LRBA: variants seen among roughly 807,000 people sequenced by gnomAD.
LRBA encodes the protein LPS responsive beige-like anchor protein.
LRBA carries 176 observed loss-of-function variants against 330.0 expected under a neutral mutation model. The observed-to-expected ratio is 0.53, with a 90% CI of 0.47 to 0.60. LRBA has a LOEUF of 0.60. LRBA is among the 20% of genes least tolerant of loss of function. The probability of loss-of-function intolerance (pLI) is 0.00; values close to 1 mark genes in which losing one functional copy is unlikely to be tolerated. For missense variants in LRBA, 3,259 were observed against 3,444.8 expected (o/e 0.95, Z 1.35); for synonymous variants, 1,230 against 1,193.0 (o/e 1.03, Z -0.64).
At chr4:150,304,271 A>C (rs1034089895) in intron 52 of LRBA, among the ~76,000 whole-genome samples, 11 of 152,102 alleles carry the variant, frequency 7.2e-5, no homozygotes, top group Admixed American at 2.0e-4. Flanking sequence ...AAGATAATAA[A>C]TATAAGATAA....
intron 40 of LRBA, among the ~76,000 whole-genome samples, chr4:150,501,184 G>A (rs1203105370): frequency 6.6e-6 from 1 of 152,136 alleles, no homozygotes; most frequent in African/African-American, 2.4e-5. Flanking sequence ...ATCCTCACTA[G>A]ATTGGAGTTC....
intron 47 of LRBA, among the ~76,000 whole-genome samples, chr4:150,394,324 T>C (rs1561113868): frequency 6.6e-6 from 1 of 152,164 alleles, no homozygotes; most frequent in Non-Finnish European, 1.5e-5. Context: ...TGACCATGCA[T>C]ATGTCATAAA....
chr4:150,790,398 T>C (rs1156744757), intron 34 of LRBA, among the ~76,000 whole-genome samples: 8 of 152,166 alleles, frequency 5.3e-5, no homozygotes, highest in Non-Finnish European at 1.0e-4. Context: ...ATCAATATTA[T>C]GGAAACTCAA....
intron 42 of LRBA, among the ~76,000 whole-genome samples, chr4:150,485,184 G>C (rs543024028): frequency 6.6e-6 from 1 of 151,870 alleles, no homozygotes; most frequent in Non-Finnish European, 1.5e-5. Context: ...CTGATTTTTT[G>C]TCTACCTGTT....
intron 47 of LRBA, among the ~76,000 whole-genome samples, chr4:150,380,416 A>G (rs1003752031): frequency 1.3e-5 from 2 of 152,082 alleles, no homozygotes; most frequent in Non-Finnish European, 2.9e-5. Flanking sequence ...AAGGCAAGAG[A>G]TTTGAACCCC....
chr4:151,005,602 C>CTTT (rs1187161237), intron 2 of LRBA, among the ~76,000 whole-genome samples: 12 of 103,002 alleles, frequency 1.2e-4, no homozygotes, highest in Admixed American at 1.9e-4. Context: ...GTTACCCAGG[C>CTTT]TTTTTTTTTT....
intron 22 of LRBA, 96 bp from the exon 23 acceptor site, chr4:150,853,039 AT>A: frequency 3.7e-6 from 2 of 536,524 alleles, no homozygotes; most frequent in Non-Finnish European, 6.0e-6. Flanking sequence ...CATAGTTTAT[AT>A]AATACAATAA....
chr4:150,512,399 T>C (rs746243688), intron 40 of LRBA, among the ~76,000 whole-genome samples: 38 of 152,220 alleles, frequency 2.5e-4, no homozygotes, highest in Non-Finnish European at 5.9e-5. Flanking sequence ...TTCCAAAATA[T>C]GTTGAAATCC....
intron 40 of LRBA, chr4:150,584,480 C>CG (rs1561389034): frequency 6.5e-6 from 1 of 153,512 alleles, no homozygotes; most frequent in African/African-American, 2.7e-5. Flanking sequence ...CATCCCCCCC[C>CG]CCATTTCGTT....
chr4:150,957,875 C>T (rs955868236), intron 2 of LRBA, among the ~76,000 whole-genome samples: 2 of 149,518 alleles, frequency 1.3e-5, no homozygotes, highest in East Asian at 1.9e-4. Context: ...TCATGTCTCA[C>T]ATCCAGGTCA....
At chr4:150,896,373 A>T in intron 16 of LRBA, 21 bp downstream of exon 16, 1 of 1,312,318 alleles carries the variant, frequency 7.6e-7, no homozygotes, top group Non-Finnish European at 1.1e-6. Context: ...AAAATTTCAA[A>T]ATATAAAATT....
intron 48 of LRBA, among the ~76,000 whole-genome samples, chr4:150,340,217 A>G (rs188831969): frequency 6.6e-6 from 1 of 152,306 alleles, no homozygotes; most frequent in East Asian, 1.9e-4. Context: ...TCCTCATAGC[A>G]GCATGAGAAC....
chr4:150,912,062 T>G (rs914365012), intron 9 of LRBA, among the ~76,000 whole-genome samples: 4 of 152,192 alleles, frequency 2.6e-5, no homozygotes, highest in African/African-American at 4.8e-5. Context: ...TGATTTTACT[T>G]ATTTATGTGC....
chr4:150,696,221 C>T (rs540027238), intron 36 of LRBA, among the ~76,000 whole-genome samples: 1 of 152,020 alleles, frequency 6.6e-6, no homozygotes, highest in South Asian at 2.1e-4. Flanking sequence ...AGAGTGAGAC[C>T]CTGTCTCAAA....
chr4:150,765,949 A>T (rs979333867), intron 34 of LRBA, among the ~76,000 whole-genome samples: 1 of 152,092 alleles, frequency 6.6e-6, no homozygotes, highest in African/African-American at 2.4e-5. Flanking sequence ...ATCTAAACTT[A>T]TCTTGGTATG....
chr4:150,374,655 T>G (rs1309824589), intron 47 of LRBA, among the ~76,000 whole-genome samples: 1 of 152,192 alleles, frequency 6.6e-6, no homozygotes, highest in Admixed American at 6.5e-5. Context: ...ATTGAAGAAT[T>G]TCAGATTTCA....
intron 35 of LRBA, among the ~76,000 whole-genome samples, chr4:150,749,548 G>C (rs960764201): frequency 3.9e-5 from 6 of 152,094 alleles, no homozygotes; most frequent in Non-Finnish European, 7.4e-5. Context: ...TTGAGCCCAG[G>C]AGCTCAAGAC....
chr4:150,604,451 A>G (rs1467039993), intron 37 of LRBA, among the ~76,000 whole-genome samples: 7 of 152,064 alleles, frequency 4.6e-5, no homozygotes, highest in African/African-American at 1.7e-4. Context: ...AAACCCAATT[A>G]GCCAGTTAAC....
intron 31 of LRBA, 36 bp from the exon 32 acceptor site, chr4:150,808,434 T>C (rs746462043): frequency 8.4e-7 from 1 of 1,188,362 alleles, no homozygotes; most frequent in Non-Finnish European, 1.3e-6. Context: ...AGGAATTTTC[T>C]GCTTTTAGAT....
Sources: allele counts gnomAD v4.1 joint callset (sites outside exome capture counted in the v4.1 genomes callset), GRCh38; gene constraint gnomAD v4.1.1; transcripts MANE v1.5; gene names NCBI Gene and HGNC (gene_info 2026-07-23, HGNC 2026-07-21).